The following NUDCD1 variants were observed in gnomAD, a reference collection of about 807,000 sequenced individuals.
NUDCD1 encodes nudC domain-containing protein 1.
Under a neutral mutation model 67.8 loss-of-function variants are expected in NUDCD1, and 60 were observed. That is an observed-to-expected ratio of 0.88 (90% CI 0.72 to 1.10). NUDCD1 has a LOEUF of 1.10. Among genes scored for constraint, NUDCD1 ranks in the 50% least tolerant of loss-of-function variants. NUDCD1 has a pLI of 0.00. For missense variants in NUDCD1, 643 were observed against 695.0 expected (o/e 0.93, Z 0.84); for synonymous variants, 244 against 230.8 (o/e 1.06, Z -0.52).
At chr8:109,296,695 A>G in intron 2 of NUDCD1, 126 bp from the exon 3 acceptor site, 4 of 647,062 alleles carry the variant, frequency 6.2e-6, no homozygotes, top group Non-Finnish European at 1.0e-5. Context: ...TCTTCCTTTG[A>G]TGTGAGCTGT....
intron 2 of NUDCD1, among the ~76,000 whole-genome samples, chr8:109,300,518 G>C (rs1814961527): frequency 6.6e-6 from 1 of 152,034 alleles, no homozygotes; most frequent in African/African-American, 2.4e-5. Context: ...TCGAAGACAA[G>C]GTCTTTGAAT....
chr8:109,304,909 C>T (rs983107821), intron 2 of NUDCD1, among the ~76,000 whole-genome samples: 1 of 152,198 alleles, frequency 6.6e-6, no homozygotes, highest in Non-Finnish European at 1.5e-5. Flanking sequence ...CCTTCCCACA[C>T]AAGACAAATG....
chr8:109,314,307 G>A (rs1429896882), intron 2 of NUDCD1, among the ~76,000 whole-genome samples: 1 of 152,014 alleles, frequency 6.6e-6, no homozygotes, highest in Non-Finnish European at 1.5e-5. Context: ...ATTGATGAAC[G>A]GAATACTTAC....
At chr8:109,270,090 A>AGGGGGGGGGGGGGGGGGGGGAGGGG (rs1563665962) in intron 8 of NUDCD1, among the ~76,000 whole-genome samples, 1 of 7,612 alleles carries the variant, frequency 1.3e-4, no homozygotes, top group Non-Finnish European at 2.5e-4. Flanking sequence ...GGGTGCCTTA[A>AGGGGGGGGGGGGGGGGGGGGAGGGG]GGTGGGGTGT....
intron 8 of NUDCD1, among the ~76,000 whole-genome samples, chr8:109,257,331 T>C (rs1163543395): frequency 6.6e-6 from 1 of 152,026 alleles, no homozygotes; most frequent in African/African-American, 2.4e-5. Flanking sequence ...TGCTACATAA[T>C]ACACAAAATA....
At chr8:109,250,391 A>G (rs1025310885) in intron 8 of NUDCD1, among the ~76,000 whole-genome samples, 2 of 152,240 alleles carry the variant, frequency 1.3e-5, no homozygotes, top group African/African-American at 4.8e-5. Flanking sequence ...GAACATGAGC[A>G]TTATTTTAAG....
chr8:109,288,558 CT>C (rs1458918949), intron 5 of NUDCD1, among the ~76,000 whole-genome samples: 2 of 152,108 alleles, frequency 1.3e-5, no homozygotes, highest in African/African-American at 4.8e-5. Context: ...CTAAGCACAA[CT>C]TTTTGTATTC....
rs142766189 is a variant in NUDCD1 at position 109,292,488 on chromosome 8, A to G, written c.640+856T>C. Reference sequence around the variant, plus strand: ...ACCCTCTTAGGAAACAAATACTAACAGTCTTTACTGAATTGCAAACTAGCA... The same window carrying G: ...ACCCTCTTAGGAAACAAATACTAACGGTCTTTACTGAATTGCAAACTAGCA... On this transcript the variant is annotated intron_variant, in intron 4 of 9. Transcript: ENST00000239690. Among the ~76,000 whole-genome samples the G allele has an allele frequency of 2.8e-3, 423 of 152,276 alleles. 1 individual carries two copies. Among genetic ancestry groups the G allele is most frequent in the African/African-American group, 9.8e-3 (409 of 41,578 alleles).
chr8:109,312,566 C>T (rs1367236736), intron 2 of NUDCD1, among the ~76,000 whole-genome samples: 1 of 151,974 alleles, frequency 6.6e-6, no homozygotes, highest in Non-Finnish European at 1.5e-5. Flanking sequence ...AATAAGAATA[C>T]CTGCATATGT....
chr8:109,243,478 C>T (rs1230549244), intron 9 of NUDCD1, among the ~76,000 whole-genome samples, 177 bp from the exon 10 acceptor site: 8 of 152,062 alleles, frequency 5.3e-5, no homozygotes, highest in Non-Finnish European at 1.2e-4. Context: ...TCAGTCTCTC[C>T]CATCTGGTAC....
At chr8:109,284,645 T>C (rs539991422) in intron 5 of NUDCD1, among the ~76,000 whole-genome samples, 30 of 151,774 alleles carry the variant, frequency 2.0e-4, no homozygotes, top group Non-Finnish European at 3.8e-4. Flanking sequence ...CCACACAGTA[T>C]CATGGAAATT....
intron 4 of NUDCD1, among the ~76,000 whole-genome samples, chr8:109,292,278 T>C (rs1017282855): frequency 1.3e-5 from 2 of 152,082 alleles, no homozygotes; most frequent in Non-Finnish European, 2.9e-5. Flanking sequence ...AAAAGTTTTC[T>C]AATATCTAAT....
At chr8:109,324,917 T>C (rs535956347) in intron 1 of NUDCD1, among the ~76,000 whole-genome samples, 26 of 152,232 alleles carry the variant, frequency 1.7e-4, no homozygotes, top group African/African-American at 6.3e-4. Context: ...AAACCCCGTC[T>C]CTACTAAAAA....
intron 2 of NUDCD1, among the ~76,000 whole-genome samples, chr8:109,301,345 C>T (rs986366057): frequency 6.6e-6 from 1 of 152,148 alleles, no homozygotes; most frequent in African/African-American, 2.4e-5. Context: ...GTACTTTGTA[C>T]ACCTATCCCA....
At chr8:109,269,248 G>T (rs1814084748) in intron 8 of NUDCD1, among the ~76,000 whole-genome samples, 1 of 152,182 alleles carries the variant, frequency 6.6e-6, no homozygotes, top group Admixed American at 6.5e-5. Flanking sequence ...GAACAAGAGA[G>T]CATTGAAGAG....
At chr8:109,295,252 T>A (rs921417940) in intron 3 of NUDCD1, among the ~76,000 whole-genome samples, 5 of 152,166 alleles carry the variant, frequency 3.3e-5, no homozygotes, top group Non-Finnish European at 7.4e-5. Flanking sequence ...ACAGAATCCA[T>A]ACAGCTCAAT....
chr8:109,298,049 C>T (rs1346503428), intron 2 of NUDCD1, among the ~76,000 whole-genome samples: 1 of 152,126 alleles, frequency 6.6e-6, no homozygotes, highest in Non-Finnish European at 1.5e-5. Flanking sequence ...CCTAATTTAG[C>T]TTTCTCCGAA....
chr8:109,325,347 A>G (rs1815654491), intron 1 of NUDCD1, among the ~76,000 whole-genome samples: 1 of 152,180 alleles, frequency 6.6e-6, no homozygotes, highest in South Asian at 2.1e-4. Flanking sequence ...CAAAATAGCT[A>G]GAAGATTTCA....
chr8:109,300,886 A>T (rs1010552004), intron 2 of NUDCD1, among the ~76,000 whole-genome samples: 21 of 152,242 alleles, frequency 1.4e-4, no homozygotes, highest in Non-Finnish European at 7.3e-5. Context: ...AACCTGTCAG[A>T]TTAACAGCAG....
Sources: gnomAD v4.1 joint callset for allele counts (sites outside exome capture counted in the v4.1 genomes callset) on GRCh38, gnomAD v4.1.1 for gene constraint, MANE v1.5 for transcripts, NCBI Gene and HGNC (gene_info 2026-07-23, HGNC 2026-07-21) for gene names.